Variants in CA14 observed in about 807,000 individuals in gnomAD.
CA14 encodes CA-XIV.
CA14 carries 44 observed loss-of-function variants against 48.8 expected under a neutral mutation model. The ratio of observed to expected loss-of-function variants is 0.90; its 90% CI spans 0.71 to 1.16. The LOEUF is 1.16. Among genes scored for constraint, CA14 ranks in the 50% most tolerant of loss-of-function variants. The pLI, the probability that CA14 is intolerant of heterozygous loss-of-function variation, is 0.00. For missense variants in CA14, 386 were observed against 401.0 expected (o/e 0.96, Z 0.32); for synonymous variants, 154 against 155.0 (o/e 0.99, Z 0.05).
intron 4 of CA14, 76 bp from the exon 5 acceptor site, chr1:150,262,449 G>A: frequency 6.8e-7 from 1 of 1,476,784 alleles, no homozygotes; most frequent in Non-Finnish European, 9.5e-7. Context: ...ACAGCGGGGG[G>A]ATGGTGGCAG....
chr1:150,262,909 CTT>C lies in CA14; in HGVS notation c.562+41_562+42del. 3 of 1,586,496 alleles carry C rather than the reference CTT, an allele frequency of 1.9e-6. No individual in the cohort carries two copies. The South Asian group carries it at 3.3e-5, about 18-fold the overall frequency. On this transcript the variant is annotated intron_variant, in intron 6 of 10. Transcript: ENST00000369111. ...ATCTATAGCAGGAAGTAAGATTAGACTTTCAAAAACTATCCTTAAAAGCCTTG... is the reference window on the plus strand; with the variant it reads ...ATCTATAGCAGGAAGTAAGATTAGACTCAAAAACTATCCTTAAAAGCCTTG...
rs1328267798 is a variant in CA14 at position 150,264,835 on chromosome 1, G to C, written c.*176G>C. ...CCAGGCTGTCATTCCAGGAAGAACT[G>C]CAGAGCCTTCAGCCTCTCCAAACAT... On this transcript the variant is annotated 3_prime_UTR_variant, in exon 11 of 11. Coordinates refer to ENST00000369111, the MANE Select transcript of CA14 (RefSeq NM_012113.3). The C allele has an allele frequency of 4.0e-6, 2 of 505,340 alleles. No individual in the cohort carries two copies. The highest frequency in any genetic ancestry group is 7.1e-6 in the Non-Finnish European group (2 of 282,764). The allele number at this position is 505,340 out of a possible 1,614,324, so 31.3% of individuals were successfully genotyped here.
In CA14 at chr1:150,263,429, C is replaced by T. The variant is rs782773744; in HGVS notation, c.841+10C>T. On this transcript the variant is annotated intron_variant, in intron 8 of 10. Transcript: ENST00000369111. ...GCTTCTTTCATCCAAGGTGATTCTG[C>T]ACGGCTCAGAAGAGATGGGAAACTG... 69 of 1,613,650 alleles carry T rather than the reference C, an allele frequency of 4.3e-5. No homozygotes were observed. The highest frequency in any genetic ancestry group is 5.8e-5 in the Non-Finnish European group (68 of 1,179,950).
At position 150,260,833 on chromosome 1, in the gene CA14, C is replaced by T. The variant is rs587613674; in HGVS notation, c.77-626C>T. ...GGAGTGCAGTGGCGCAATCTGGGCT[C>T]ACTGCAAACTCCACCTCCTGGGTTT... is the stretch of plus-strand genomic sequence containing the variant. On this transcript the variant is annotated intron_variant, in intron 2 of 10. Transcript: ENST00000369111. 4.9e-4 allele frequency: 69 copies of T among 141,038 alleles called. No homozygotes were observed. The South Asian group carries it at 0.015, about 30-fold the overall frequency. The allele number at this position is 141,038 out of a possible 1,614,324, so 8.7% of individuals were successfully genotyped here. A position where few individuals can be genotyped will look rare whatever the true frequency, so the allele number is the denominator to read the frequency against.
Position 150,262,261 on chromosome 1 carries a change from G to C in CA14, c.360G>C (p.Gly120=). The C allele has an allele frequency of 6.2e-7, 1 of 1,610,794 alleles. No individual in the cohort carries two copies. The highest frequency in any genetic ancestry group is 8.5e-7 in the Non-Finnish European group (1 of 1,178,430). The stretch of plus-strand genomic sequence containing the variant: ...GGGGTCAGAAAGGATCCCCAGGGGG[G>C]TCAGAACACCAGATCAACAGTGAAG... ...LHWGQKGSPG[G]SEHQINSEAT... The change falls in exon 4 of 11, where the codon GGG becomes GGC. Residue 120 remains glycine (G), a synonymous_variant. Coordinates refer to ENST00000369111, the MANE Select transcript of CA14 (RefSeq NM_012113.3).
In CA14 at chr1:150,264,892, T is replaced by A; in HGVS notation, c.*233T>A. On this transcript the variant is annotated 3_prime_UTR_variant, in exon 11 of 11. Transcript: ENST00000369111. Reference sequence around the variant, plus strand: ...GGAAATGAGGAAATCGCTGTGTTGTTAATGCAGAGAACAAACTCTGTTTAG... The same window carrying A: ...GGAAATGAGGAAATCGCTGTGTTGTAAATGCAGAGAACAAACTCTGTTTAG... The A allele has an allele frequency of 4.9e-6, 2 of 404,626 alleles. No homozygotes were observed. 25.1% of individuals were successfully genotyped at this position (404,626 alleles called of 1,614,324 possible).
chr1:150,258,910 G>C (rs1256467819), intron 1 of CA14, among the ~76,000 whole-genome samples: 1 of 152,150 alleles, frequency 6.6e-6, no homozygotes, highest in African/African-American at 2.4e-5. Flanking sequence ...GAAAGAGCAG[G>C]GTGAGGTGGG....
In CA14 at chr1:150,263,109, C is replaced by G; in HGVS notation, c.630C>G (p.Phe210Leu). ...ELLPKQLGQY[F>L]RYNGSLTTPP... The stretch of plus-strand genomic sequence containing the variant: ...TCCCCAAACAGCTGGGGCAGTACTT[C>G]CGCTACAATGGCTCGCTCACAACTC... The change falls in exon 7 of 11, where the codon TTC (phenylalanine) becomes TTG (leucine). Residue 210 changes from phenylalanine to leucine, a missense_variant. Transcript: ENST00000369111. 6.2e-7 allele frequency: 1 copy of G among 1,614,120 alleles called. No homozygotes were observed. Among genetic ancestry groups the G allele is most frequent in the Non-Finnish European group, 8.5e-7 (1 of 1,180,002 alleles).
chr1:150,262,011 A>C, intron 3 of CA14, 147 bp from the exon 4 acceptor site: 1 of 831,932 alleles, frequency 1.2e-6, no homozygotes, highest in Non-Finnish European at 1.9e-6. Context: ...AAGATATGCT[A>C]GAAAAGCACT....
chr1:150,260,074 C>T, intron 1 of CA14, 77 bp from the exon 2 acceptor site: 1 of 1,408,650 alleles, frequency 7.1e-7, no homozygotes, highest in East Asian at 2.3e-5. Flanking sequence ...TACAGAATGC[C>T]AGAGGGAGGG....
rs782245178 is a variant in CA14, at chr1:150,260,172, G to A, written c.76+1G>A. ...GCAGGTCAACACTGGACGTATGAGG[G>A]TGAGCAGATCTCAAGGCCTCCCGAC... is the stretch of plus-strand genomic sequence containing the variant. On this transcript the variant is annotated splice_donor_variant, in intron 2 of 10. Transcript: ENST00000369111. LOFTEE classifies it high-confidence loss of function. 2.5e-6 allele frequency: 4 copies of A among 1,613,938 alleles called. No homozygotes were observed. Among genetic ancestry groups the A allele is most frequent in the East Asian group, 4.5e-5 (2 of 44,870 alleles).
In CA14 at chr1:150,262,063, G is replaced by C. The variant is rs587668826; in HGVS notation, c.257-95G>C. 2.1e-6 allele frequency: 3 copies of C among 1,458,326 alleles called. No homozygotes were observed. The African/African-American group carries it at 4.2e-5, about 20-fold the overall frequency. The allele number at this position is 1,458,326 out of a possible 1,614,324, so 90.3% of individuals were successfully genotyped here. On this transcript the variant is annotated intron_variant, in intron 3 of 10. Coordinates refer to ENST00000369111, the MANE Select transcript of CA14 (RefSeq NM_012113.3). ...TGGGTGCTACTGGGGGAGAAAACTG[G>C]AAGAGGGCCAAGTCTCCCAAGAAGT... is the stretch of plus-strand genomic sequence containing the variant.
intron 3 of CA14, 109 bp downstream of exon 3, chr1:150,261,747 A>T: frequency 2.1e-6 from 2 of 974,674 alleles, no homozygotes; most frequent in Non-Finnish European, 3.0e-6. Flanking sequence ...CATGCGTAAG[A>T]TGTGCCGCCC....
Position 150,258,058 on chromosome 1 carries a change from CCT to C in CA14, c.-62_-61del. The C allele has an allele frequency of 8.9e-5, 102 of 1,150,116 alleles. No individual in the cohort carries two copies. The highest frequency in any genetic ancestry group is 2.8e-4 in the Middle Eastern group (1 of 3,562). 71.2% of individuals were successfully genotyped at this position (1,150,116 alleles called of 1,614,324 possible). Reference sequence around the variant, plus strand: ...TCTCTCTCTCTCTCACTCCTCCCTCCCTCTCTCTCTGCCTGTCCTAGTCCTCT... The same window carrying C: ...TCTCTCTCTCTCTCACTCCTCCCTCCCTCTCTCTGCCTGTCCTAGTCCTCT... On this transcript the variant is annotated 5_prime_UTR_variant, in exon 1 of 11. Transcript: ENST00000369111.
intron 1 of CA14, 21 bp downstream of exon 1, chr1:150,258,204 G>C (rs1650707308): frequency 6.2e-7 from 1 of 1,604,004 alleles, no homozygotes; most frequent in South Asian, 1.1e-5. Flanking sequence ...CTAAATGTCT[G>C]TGTGTGGATT....
At chr1:150,259,986 A>C (rs1553847433) in intron 1 of CA14, among the ~76,000 whole-genome samples, 165 bp from the exon 2 acceptor site, 1 of 152,122 alleles carries the variant, frequency 6.6e-6, no homozygotes, top group East Asian at 1.9e-4. Context: ...CTTTCCACAG[A>C]GGTGTCCGGT....
At chr1:150,260,485 C>T (rs921748054) in intron 2 of CA14, 15 of 469,594 alleles carry the variant, frequency 3.2e-5, no homozygotes, top group African/African-American at 1.4e-4. Context: ...CTTCTGGCTC[C>T]GTCTATCCTA....
intron 1 of CA14, among the ~76,000 whole-genome samples, chr1:150,259,086 A>C (rs1358977172): frequency 6.6e-6 from 1 of 152,180 alleles, no homozygotes; most frequent in Non-Finnish European, 1.5e-5. Context: ...ACCTTTACAG[A>C]CCAGGGAGTT....
At position 150,261,578 on chromosome 1, in the gene CA14, C is replaced by T; in HGVS notation, c.196C>T (p.Pro66Ser). The change falls in exon 3 of 11, where the codon CCC becomes TCC. Residue 66 changes from proline (P) to serine (S), a missense_variant. Transcript: ENST00000369111. Reference sequence around the variant, plus strand: ...TGACCCTGATTTGCCTGCTCTGCAGCCCCACGGATATGACCAGCCTGGCAC... The same window carrying T: ...TGACCCTGATTTGCCTGCTCTGCAGTCCCACGGATATGACCAGCCTGGCAC... ...TFDPDLPALQPHGYDQPGTEP... is the reference protein window; with the variant it reads ...TFDPDLPALQSHGYDQPGTEP... 6.2e-7 allele frequency: 1 copy of T among 1,614,158 alleles called. No individual in the cohort carries two copies. Among genetic ancestry groups the T allele is most frequent in the Non-Finnish European group, 8.5e-7 (1 of 1,180,028 alleles).
Sources: allele counts gnomAD v4.1 joint callset (sites outside exome capture counted in the v4.1 genomes callset), GRCh38; gene constraint gnomAD v4.1.1; transcripts MANE v1.5; gene names NCBI Gene and HGNC (gene_info 2026-07-23, HGNC 2026-07-21).